The following LRP4 variants were observed in gnomAD, a reference collection of about 807,000 sequenced individuals.
The protein encoded by LRP4 is low-density lipoprotein receptor-related protein 4.
A neutral mutation model predicts 220.3 loss-of-function variants in LRP4; 95 were observed. That is an observed-to-expected ratio of 0.43 (90% CI 0.37 to 0.51). LRP4 has a LOEUF of 0.51. Among genes scored for constraint, LRP4 ranks in the 20% least tolerant of loss-of-function variants. LRP4 has a pLI of 0.00. For missense variants in LRP4, 1,925 were observed against 2,567.0 expected (o/e 0.75, Z 5.40); for synonymous variants, 903 against 954.6 (o/e 0.95, Z 1.00).
intron 19 of LRP4, 54 bp from the exon 20 acceptor site, chr11:46,881,957 G>T: frequency 2.6e-6 from 4 of 1,552,948 alleles, no homozygotes; most frequent in Non-Finnish European, 3.5e-6. Flanking sequence ...ATCCAGCAGG[G>T]ACTCAGAGTA....
In LRP4 at chr11:46,878,913, A is replaced by T; in HGVS notation, c.3130T>A (p.Ser1044Thr). 1 of 1,614,194 alleles carries T rather than the reference A, an allele frequency of 6.2e-7. No homozygotes were observed. The highest frequency in any genetic ancestry group is 1.1e-5 in the South Asian group (1 of 91,082). The change falls in exon 22 of 38, where the codon TCA (serine) becomes ACA (threonine). Residue 1044 changes from serine (S) to threonine (T), a missense_variant. Physicochemically the swap from Ser to Thr is moderately conservative, Grantham distance 58. This residue lies in a region of LRP4 where 1,244 missense variants were observed against 1,624.9 expected (regional missense o/e 0.77). Coordinates refer to ENST00000378623, the MANE Select transcript of LRP4 (RefSeq NM_002334.4). ...INLLSDGKTCSPGMNSFLIFA... is the reference protein window; with the variant it reads ...INLLSDGKTCTPGMNSFLIFA... ...CTGTGATGCTTTCACTCACCTGGTG[A>T]GCAGGTCTTGCCATCAGACAGCAGG...
At chr11:46,861,051 C>T (rs746169205) in intron 37 of LRP4, 1 of 636,812 alleles carries the variant, frequency 1.6e-6, no homozygotes, top group Non-Finnish European at 2.0e-6. Flanking sequence ...TATCCTGTGG[C>T]CTTCATTGTG....
At chr11:46,900,120 C>G (rs187538964) in intron 3 of LRP4, 142 bp downstream of exon 3, 1 of 961,220 alleles carries the variant, frequency 1.0e-6, no homozygotes, top group African/African-American at 1.6e-5. Flanking sequence ...AGCAGCTTAT[C>G]TGACTTCGAG....
chr11:46,871,599 C>T lies in LRP4; in HGVS notation c.4618G>A (p.Glu1540Lys), dbSNP rs1273248784. ...AGTTTCCCATTGAGGTCAGCACTCTCGATCCGGTCCAGATGCGCATCCACC... is the reference window on the plus strand; with the variant it reads ...AGTTTCCCATTGAGGTCAGCACTCTTGATCCGGTCCAGATGCGCATCCACC... ...YWVDAHLDRI[E>K]SADLNGKLRQ... Residue 1540 changes from glutamate to lysine, a missense_variant, in exon 31 of 38, where the codon GAG becomes AAG. By Grantham distance (56) the Glu-to-Lys change is moderately conservative. Coordinates refer to ENST00000378623, the MANE Select transcript of LRP4 (RefSeq NM_002334.4). 4.3e-6 allele frequency: 7 copies of T among 1,612,796 alleles called. No homozygotes were observed. Among genetic ancestry groups the T allele is most frequent in the Admixed American group, 1.7e-5 (1 of 59,920 alleles).
intron 1 of LRP4, among the ~76,000 whole-genome samples, chr11:46,904,160 C>T (rs927551012): frequency 6.6e-6 from 1 of 152,222 alleles, no homozygotes; most frequent in Non-Finnish European, 1.5e-5. Context: ...ATCTCTCCCC[C>T]TTCCTTTCTT....
At chr11:46,881,981 G>A (rs141404882) in intron 19 of LRP4, 78 bp from the exon 20 acceptor site, 3 of 1,432,004 alleles carry the variant, frequency 2.1e-6, no homozygotes, top group East Asian at 4.7e-5. Flanking sequence ...AGGATTTCAG[G>A]GTTTCTGCCT....
In LRP4 at chr11:46,916,230, G is replaced by A. The variant is rs1941944771; in HGVS notation, c.52+2098C>T. On this transcript the variant is annotated intron_variant, in intron 1 of 37. Transcript: ENST00000378623. The stretch of plus-strand genomic sequence containing the variant: ...GAGGCAGGTGGATCACTTGAGCCCA[G>A]GAGTTGGAGACTAGCCTTGGCAACA... Among the ~76,000 whole-genome samples, 5 of 152,196 alleles carry A rather than the reference G, an allele frequency of 3.3e-5. 1 individual carries two copies. In the South Asian group the frequency reaches 1.0e-3, roughly 32 times the overall value.
chr11:46,886,595 C>T, intron 16 of LRP4, 62 bp from the exon 17 acceptor site: 1 of 1,384,528 alleles, frequency 7.2e-7, no homozygotes, highest in South Asian at 1.2e-5. Flanking sequence ...GTGACAGACA[C>T]AGACGCTCAC....
intron 2 of LRP4, 92 bp downstream of exon 2, chr11:46,902,691 T>C (rs1941689532): frequency 6.2e-6 from 9 of 1,454,906 alleles, no homozygotes; most frequent in African/African-American, 1.4e-5. Flanking sequence ...TCCGACACAG[T>C]TGATGCAGAA....
At chr11:46,869,721 C>T (rs764553229) in intron 31 of LRP4, among the ~76,000 whole-genome samples, 15 of 152,056 alleles carry the variant, frequency 9.9e-5, no homozygotes, top group Non-Finnish European at 1.5e-4. Context: ...GTGGGGAAAC[C>T]TGTAGACTGA....
chr11:46,881,879 AC>A lies in LRP4; in HGVS notation c.2636del (p.Gly879ValfsTer24). On this transcript the variant is annotated frameshift_variant, in exon 20 of 38. Transcript: ENST00000378623. LOFTEE classifies it high-confidence loss of function. ...CAGCTCGTTCAATCTTGGGGCTCGC[AC>A]CCCAGTCAGTCCAATACATGTACCT... ...MGGYMYWTDWGASPKIERAGM... is the reference protein window; with the variant it reads ...MGGYMYWTDWXASPKIERAGM... 6.2e-7 allele frequency: 1 copy of A among 1,614,168 alleles called. No homozygotes were observed. Among genetic ancestry groups the A allele is most frequent in the East Asian group, 2.2e-5 (1 of 44,886 alleles).
In LRP4 at chr11:46,862,630, G is replaced by A; in HGVS notation, c.5361C>T (p.Tyr1787=). Residue 1787 remains tyrosine, a synonymous_variant, in exon 37 of 38, where the codon TAC becomes TAT. Transcript: ENST00000378623. ...KIEAIPKPAM[Y]NQLCYKKEGG... ...CCTCTTTCTTATAGCACAGCTGGTT[G>A]TACATGGCTGGTTTGGGGATTGCTT... is the stretch of plus-strand genomic sequence containing the variant. 6.2e-7 allele frequency: 1 copy of A among 1,614,090 alleles called. No individual in the cohort carries two copies.
rs1238846208 is a variant in LRP4, at chr11:46,889,492, G to A, written c.2134C>T (p.Leu712=). The A allele has an allele frequency of 2.5e-6, 4 of 1,614,008 alleles. No individual in the cohort carries two copies. Among genetic ancestry groups the A allele is most frequent in the Non-Finnish European group, 3.4e-6 (4 of 1,180,054 alleles). ...TAGTTCTGGCCACTGGGCAGACACA[G>A]GTGCGTGCAGCCTCCGTTGTTGTCC... ...CGDNNGGCTH[L]CLPSGQNYTC... The change falls in exon 16 of 38, where the codon CTG becomes TTG. Residue 712 remains leucine (L), a synonymous_variant. Coordinates refer to ENST00000378623, the MANE Select transcript of LRP4 (RefSeq NM_002334.4).
intron 1 of LRP4, among the ~76,000 whole-genome samples, chr11:46,909,656 C>T (rs1326095551): frequency 8.0e-6 from 1 of 125,590 alleles, no homozygotes; most frequent in Non-Finnish European, 1.6e-5. Flanking sequence ...AATCACCATT[C>T]GTTTATAATA....
Position 46,873,390 on chromosome 11 carries a change from A to C in LRP4, c.4433T>G (p.Val1478Gly). ...ATAAACTTACCCCTTCCTGGGGAAA[A>C]CAGCAATGGCCCGGGGCTCATCCAG... ...NSLDEPRAIAVFPRKGYLFWT... is the reference protein window; with the variant it reads ...NSLDEPRAIAGFPRKGYLFWT... Residue 1478 changes from valine (V) to glycine (G), a missense_variant, in exon 29 of 38, where the codon GTT becomes GGT. Val to Gly is a moderately radical substitution (Grantham distance 109). Transcript: ENST00000378623. This position sits in a 1 kb window ranked among gnomAD's most constrained non-coding sequence, Gnocchi z 4.2. The C allele has an allele frequency of 6.2e-7, 1 of 1,614,100 alleles. No homozygotes were observed. The highest frequency in any genetic ancestry group is 2.2e-5 in the East Asian group (1 of 44,874).
chr11:46,867,548 G>A (rs1337671036), intron 34 of LRP4, among the ~76,000 whole-genome samples: 5 of 152,118 alleles, frequency 3.3e-5, no homozygotes, highest in South Asian at 4.1e-4. Flanking sequence ...CGCAACCTCC[G>A]CCTCCTGGGT....
Position 46,859,041 on chromosome 11 carries a change from G to C in LRP4, c.5660C>G (p.Ser1887Cys), listed in dbSNP as rs149082597. ...HTAATPERRG[S>C]LPDTGWKHER... The stretch of plus-strand genomic sequence containing the variant: ...ATGTTTCCAGCCCGTGTCTGGCAGA[G>C]AGCCTCGTCTTTCTGGAGTGGCTGC... Residue 1887 changes from serine (S) to cysteine (C), a missense_variant, in exon 38 of 38, where the codon TCT becomes TGT. Coordinates refer to ENST00000378623, the MANE Select transcript of LRP4 (RefSeq NM_002334.4). 1.4e-3 allele frequency: 2,281 copies of C among 1,614,172 alleles called. 1 individual carries two copies. The highest frequency in any genetic ancestry group is 1.7e-3 in the Non-Finnish European group (2,039 of 1,180,020).
In LRP4 at chr11:46,862,597, A is replaced by C. The variant is rs1940586629; in HGVS notation, c.5385+9T>G. The C allele has an allele frequency of 6.2e-7, 1 of 1,613,994 alleles. No homozygotes were observed. The highest frequency in any genetic ancestry group is 8.5e-7 in the Non-Finnish European group (1 of 1,179,956). On this transcript the variant is annotated intron_variant, in intron 37 of 37. Coordinates refer to ENST00000378623, the MANE Select transcript of LRP4 (RefSeq NM_002334.4). The stretch of plus-strand genomic sequence containing the variant: ...AAAAAGACCCTTGAATATAAATTTC[A>C]ATTTTTACCTCTTTCTTATAGCACA...
At chr11:46,863,488 G>T (rs1940610927) in intron 36 of LRP4, among the ~76,000 whole-genome samples, 1 of 150,562 alleles carries the variant, frequency 6.6e-6, no homozygotes, top group Non-Finnish European at 1.5e-5. Context: ...CTGTAATCTT[G>T]GCACTTAGAG....
Sources: gnomAD v4.1 joint callset for allele counts (sites outside exome capture counted in the v4.1 genomes callset) on GRCh38, gnomAD v4.1.1 for gene constraint, gnomAD v4.1.1 regional missense constraint, Gnocchi (gnomAD v3.1) non-coding constraint, MANE v1.5 for transcripts, NCBI Gene and HGNC (gene_info 2026-07-23, HGNC 2026-07-21) for gene names.